The following BATF variants were observed in gnomAD, a reference collection of about 807,000 sequenced individuals.
BATF encodes the protein basic leucine zipper transcriptional factor ATF-like.
BATF carries 5 observed loss-of-function variants against 13.7 expected under a neutral mutation model. The ratio of observed to expected loss-of-function variants is 0.36; its 90% confidence interval spans 0.19 to 0.77. BATF has a LOEUF of 0.77. BATF is among the 30% of genes least tolerant of loss of function. The pLI is 0.51. For missense variants in BATF, 124 were observed against 163.0 expected (o/e 0.76, Z 1.30); for synonymous variants, 72 against 67.5 (o/e 1.07, Z -0.33).
chr14:75,524,799 ATT>A (rs146615973), intron 1 of BATF, among the ~76,000 whole-genome samples: 12 of 142,988 alleles, frequency 8.4e-5, no homozygotes, highest in East Asian at 2.0e-4. Context: ...CGCCTTAACC[ATT>A]TTTTTTTTTT....
chr14:75,529,924 C>T (rs1887708616), intron 2 of BATF, among the ~76,000 whole-genome samples: 1 of 151,908 alleles, frequency 6.6e-6, no homozygotes, highest in Non-Finnish European at 1.5e-5. Context: ...ATTAGCCAGG[C>T]GTGGTGGCGG....
intron 2 of BATF, among the ~76,000 whole-genome samples, chr14:75,536,936 G>A (rs1398537723): frequency 6.6e-6 from 1 of 151,572 alleles, no homozygotes; most frequent in Non-Finnish European, 1.5e-5. Context: ...TAAGAACAAA[G>A]CAATATTGTC....
At chr14:75,543,178 C>T (rs900154103) in intron 2 of BATF, among the ~76,000 whole-genome samples, 3 of 152,234 alleles carry the variant, frequency 2.0e-5, no homozygotes, top group African/African-American at 7.2e-5. Flanking sequence ...GGATGCCCTC[C>T]TTCTGGGATG....
intron 1 of BATF, among the ~76,000 whole-genome samples, 190 bp downstream of exon 1, chr14:75,522,935 C>G (rs1887594899): frequency 6.6e-6 from 1 of 152,154 alleles, no homozygotes; most frequent in Non-Finnish European, 1.5e-5. Flanking sequence ...CATCCTTCCA[C>G]CCATTCTGCC....
At chr14:75,522,799 A>G (rs1220248783) in intron 1 of BATF, 54 bp downstream of exon 1, 2 of 1,608,072 alleles carry the variant, frequency 1.2e-6, no homozygotes, top group African/African-American at 1.3e-5. Flanking sequence ...GGGGATGGAA[A>G]GAGAGCCAGG....
intron 1 of BATF, 64 bp downstream of exon 1, chr14:75,522,809 G>T (rs561498670): frequency 2.5e-6 from 4 of 1,601,536 alleles, no homozygotes; most frequent in Non-Finnish European, 3.4e-6. Context: ...AGAGAGCCAG[G>T]CTTCCTTGTC....
intron 2 of BATF, among the ~76,000 whole-genome samples, chr14:75,526,241 A>C (rs1026730014): frequency 2.0e-5 from 3 of 151,696 alleles, no homozygotes; most frequent in Non-Finnish European, 4.4e-5. Flanking sequence ...ACCTCTCTTC[A>C]CTCTGCCCCC....
intron 2 of BATF, among the ~76,000 whole-genome samples, chr14:75,533,943 G>A (rs1194096508): frequency 2.6e-5 from 4 of 152,082 alleles, no homozygotes; most frequent in Non-Finnish European, 5.9e-5. Flanking sequence ...GCTTTACTAG[G>A]CAGGTGTTTA....
chr14:75,525,616 G>A (rs1274643271), intron 2 of BATF, among the ~76,000 whole-genome samples: 1 of 147,848 alleles, frequency 6.8e-6, no homozygotes, highest in African/African-American at 2.5e-5. Context: ...CCGAGATCGC[G>A]CCATTGCATT....
intron 2 of BATF, among the ~76,000 whole-genome samples, chr14:75,543,124 C>T (rs1029256705): frequency 2.0e-5 from 3 of 152,214 alleles, no homozygotes; most frequent in Non-Finnish European, 4.4e-5. Context: ...ACCAACACCC[C>T]CTAGTCTCAT....
At chr14:75,530,815 C>T (rs1476368501) in intron 2 of BATF, among the ~76,000 whole-genome samples, 1 of 152,060 alleles carries the variant, frequency 6.6e-6, no homozygotes, top group East Asian at 1.9e-4. Context: ...CACCCAGCCC[C>T]TTCTGTGTTT....
At chr14:75,529,116 T>A (rs546931390) in intron 2 of BATF, among the ~76,000 whole-genome samples, 75 of 152,186 alleles carry the variant, frequency 4.9e-4, no homozygotes, top group African/African-American at 1.7e-3. Context: ...ATTCTAAGTT[T>A]CCAGTGAAAA....
At chr14:75,537,299 C>A (rs1425097471) in intron 2 of BATF, among the ~76,000 whole-genome samples, 3 of 152,084 alleles carry the variant, frequency 2.0e-5, no homozygotes, top group African/African-American at 7.2e-5. Context: ...TGGAAGTATC[C>A]CAGATTTACA....
chr14:75,535,159 C>G (rs1281650709), intron 2 of BATF, among the ~76,000 whole-genome samples: 1 of 152,112 alleles, frequency 6.6e-6, no homozygotes, highest in Non-Finnish European at 1.5e-5. Context: ...ATGGTTCATG[C>G]CTGTAATCCC....
chr14:75,526,136 C>T (rs1043109219), intron 2 of BATF, among the ~76,000 whole-genome samples: 3 of 152,168 alleles, frequency 2.0e-5, no homozygotes, highest in Non-Finnish European at 2.9e-5. Flanking sequence ...ACTGCAGTTC[C>T]GCCAGTGGCC....
chr14:75,540,666 C>T (rs1887882868), intron 2 of BATF, among the ~76,000 whole-genome samples: 1 of 152,236 alleles, frequency 6.6e-6, no homozygotes, highest in Non-Finnish European at 1.5e-5. Context: ...CTCTGTTCCT[C>T]TGTTTTTCCT....
chr14:75,532,654 T>C (rs952506301), intron 2 of BATF, among the ~76,000 whole-genome samples: 2 of 152,208 alleles, frequency 1.3e-5, no homozygotes, highest in Non-Finnish European at 2.9e-5. Context: ...AACAATGCTA[T>C]AAAACTTGAC....
intron 2 of BATF, among the ~76,000 whole-genome samples, chr14:75,544,492 G>A (rs1191022056): frequency 1.3e-5 from 2 of 149,744 alleles, no homozygotes; most frequent in Admixed American, 1.3e-4. Flanking sequence ...TTGAACCTGG[G>A]AGGCAGAGGT....
chr14:75,522,939 T>C (rs1401444356), intron 1 of BATF, among the ~76,000 whole-genome samples, 194 bp downstream of exon 1: 1 of 152,174 alleles, frequency 6.6e-6, no homozygotes, highest in Non-Finnish European at 1.5e-5. Context: ...CTTCCACCCA[T>C]TCTGCCAAAG....
Sources: allele counts gnomAD v4.1 joint callset (sites outside exome capture counted in the v4.1 genomes callset), GRCh38; gene constraint gnomAD v4.1.1; transcripts MANE v1.5; gene names NCBI Gene and HGNC (gene_info 2026-07-23, HGNC 2026-07-21).